The following ELMO1 variants were observed in gnomAD, a reference collection of about 807,000 sequenced individuals.
The protein encoded by ELMO1 is engulfment and cell motility protein 1.
A neutral mutation model predicts 98.9 loss-of-function variants in ELMO1; 26 were observed. The observed-to-expected ratio is 0.26, with a 90% CI of 0.19 to 0.36. ELMO1 has a LOEUF of 0.36. ELMO1 is among the 10% of genes least tolerant of loss of function. ELMO1 has a pLI of 1.00. For synonymous variants in ELMO1, 346 were observed against 346.0 expected (o/e 1.00, Z 0.00); for missense variants, 627 against 935.2 (o/e 0.67, Z 4.30).
chr7:37,182,031 A>AC (rs1790895019), intron 13 of ELMO1, among the ~76,000 whole-genome samples: 1 of 151,074 alleles, frequency 6.6e-6, no homozygotes, highest in Non-Finnish European at 1.5e-5. Context: ...AAGAAAAAAA[A>AC]AATTAAAAAC....
At chr7:37,072,737 G>C (rs1001452702) in intron 15 of ELMO1, among the ~76,000 whole-genome samples, 1 of 152,132 alleles carries the variant, frequency 6.6e-6, no homozygotes, top group African/African-American at 2.4e-5. Context: ...CAGTGAGGGG[G>C]TGCCACTGGT....
intron 1 of ELMO1, among the ~76,000 whole-genome samples, chr7:37,427,705 A>G (rs988739610): frequency 8.5e-5 from 13 of 152,216 alleles, no homozygotes; most frequent in African/African-American, 2.7e-4. Context: ...AATAGCTGTC[A>G]CTTTTCATTT....
intron 13 of ELMO1, among the ~76,000 whole-genome samples, chr7:37,147,575 A>T (rs1051609656): frequency 1.3e-5 from 2 of 152,214 alleles, no homozygotes; most frequent in African/African-American, 2.4e-5. Flanking sequence ...TAAGAGTTGG[A>T]GCTGCCAACA....
chr7:37,446,727 T>C (rs1165745988), intron 1 of ELMO1, among the ~76,000 whole-genome samples: 8 of 152,156 alleles, frequency 5.3e-5, no homozygotes, highest in Admixed American at 5.2e-4. Flanking sequence ...CCCTCCCTGA[T>C]ACCTACCATA....
At chr7:37,031,735 G>A (rs1794894044) in intron 15 of ELMO1, among the ~76,000 whole-genome samples, 2 of 152,262 alleles carry the variant, frequency 1.3e-5, no homozygotes, top group South Asian at 4.1e-4. Flanking sequence ...AAAAATGTTT[G>A]TGGAATGCAT....
chr7:37,388,637 A>C (rs1055673444), intron 1 of ELMO1, among the ~76,000 whole-genome samples: 6 of 151,350 alleles, frequency 4.0e-5, no homozygotes, highest in Non-Finnish European at 5.9e-5. Context: ...AAAAAAAAAA[A>C]CACACAAAAG....
intron 1 of ELMO1, among the ~76,000 whole-genome samples, chr7:37,421,640 T>C (rs1361591392): frequency 6.6e-6 from 1 of 152,214 alleles, no homozygotes; most frequent in Non-Finnish European, 1.5e-5. Flanking sequence ...AGCACATCAA[T>C]TCATTCCTGG....
Position 37,067,736 on chromosome 7 carries a change from CT to C in ELMO1, c.1300+28882del, listed in dbSNP as rs542773980. ...ACAGCTTGAAACTCACATAATCTTTCTTTTTTTTTTGAAAAGACAGAATTTT... is the reference window on the plus strand; with the variant it reads ...ACAGCTTGAAACTCACATAATCTTTCTTTTTTTTTGAAAAGACAGAATTTT... On this transcript the variant is annotated intron_variant, in intron 15 of 21. Coordinates refer to ENST00000310758, the MANE Select transcript of ELMO1 (RefSeq NM_014800.11). Among the ~76,000 whole-genome samples the C allele has an allele frequency of 3.4e-3, 500 of 148,120 alleles. 2 individuals carry two copies. The highest frequency in any genetic ancestry group is 4.6e-3 in the Non-Finnish European group (307 of 66,766).
intron 13 of ELMO1, among the ~76,000 whole-genome samples, chr7:37,140,206 T>C (rs1242382461): frequency 6.8e-6 from 1 of 146,932 alleles, no homozygotes; most frequent in Non-Finnish European, 1.5e-5. Context: ...AAACCCCACC[T>C]CTACTAAAAA....
At chr7:37,444,794 G>A (rs1269347711) in intron 1 of ELMO1, among the ~76,000 whole-genome samples, 4 of 152,168 alleles carry the variant, frequency 2.6e-5, no homozygotes, top group South Asian at 2.1e-4. Flanking sequence ...GATTAGAGGC[G>A]TGAGCCACCG....
intron 14 of ELMO1, among the ~76,000 whole-genome samples, chr7:37,121,484 G>C (rs1016792286): frequency 6.6e-6 from 1 of 152,232 alleles, no homozygotes; most frequent in Non-Finnish European, 1.5e-5. Context: ...AAATGCACAA[G>C]CTTCAGTAGC....
chr7:37,260,738 C>T (rs899323483), intron 5 of ELMO1, among the ~76,000 whole-genome samples: 5 of 152,050 alleles, frequency 3.3e-5, no homozygotes, highest in Admixed American at 2.0e-4. Context: ...AAAACAGACA[C>T]GTTGCATCAG....
chr7:36,853,079 T>C lies in ELMO1; in HGVS notation c.*2472A>G, dbSNP rs1042212931. Among the ~76,000 whole-genome samples the C allele has an allele frequency of 6.6e-6, 1 of 151,952 alleles. No homozygotes were observed. Among genetic ancestry groups the C allele is most frequent in the Non-Finnish European group, 1.5e-5 (1 of 67,988 alleles). ...AGTTGGAGGTGGTAGGCTCATTGCA[T>C]GGGAAAAAAAGCCTTGGGCAGCCTG... On this transcript the variant is annotated 3_prime_UTR_variant, in exon 22 of 22. Coordinates refer to ENST00000310758, the MANE Select transcript of ELMO1 (RefSeq NM_014800.11).
intron 13 of ELMO1, among the ~76,000 whole-genome samples, chr7:37,138,598 A>G (rs1185665398): frequency 2.6e-5 from 4 of 152,222 alleles, no homozygotes; most frequent in Non-Finnish European, 4.4e-5. Flanking sequence ...TTCCAACCAA[A>G]AAAAGTCCAG....
At chr7:37,235,338 A>G (rs1042443667) in intron 7 of ELMO1, among the ~76,000 whole-genome samples, 18 of 152,250 alleles carry the variant, frequency 1.2e-4, no homozygotes, top group African/African-American at 4.3e-4. Context: ...CTGGGTAGGC[A>G]TTAGTATTAC....
chr7:36,935,576 C>T (rs1786456427), intron 16 of ELMO1, among the ~76,000 whole-genome samples: 1 of 152,190 alleles, frequency 6.6e-6, no homozygotes. Flanking sequence ...CTGAGGCTGT[C>T]TATTCAGGTG....
At chr7:37,437,404 C>T (rs1805195212) in intron 1 of ELMO1, among the ~76,000 whole-genome samples, 2 of 152,240 alleles carry the variant, frequency 1.3e-5, no homozygotes, top group Non-Finnish European at 2.9e-5. Context: ...AAATTGCTAA[C>T]TTCAGTCATT....
At chr7:37,065,261 A>T (rs1281849734) in intron 15 of ELMO1, among the ~76,000 whole-genome samples, 1 of 150,422 alleles carries the variant, frequency 6.6e-6, no homozygotes, top group Non-Finnish European at 1.5e-5. Flanking sequence ...GGATCCTCGC[A>T]CCTCAGCCTC....
intron 1 of ELMO1, among the ~76,000 whole-genome samples, chr7:37,391,133 T>C (rs999828183): frequency 6.6e-6 from 1 of 151,584 alleles, no homozygotes; most frequent in African/African-American, 2.4e-5. Flanking sequence ...TTTTGTATTT[T>C]TGAGACAGAG....
Sources: gnomAD v4.1 joint callset for allele counts (sites outside exome capture counted in the v4.1 genomes callset) on GRCh38, gnomAD v4.1.1 for gene constraint, MANE v1.5 for transcripts, NCBI Gene and HGNC (gene_info 2026-07-23, HGNC 2026-07-21) for gene names.